The following PTPN23 variants were observed in gnomAD, a reference collection of about 807,000 sequenced individuals.
PTPN23 encodes tyrosine-protein phosphatase non-receptor type 23.
Under a neutral mutation model 156.3 loss-of-function variants are expected in PTPN23, and 72 were observed. The observed-to-expected ratio is 0.46, with a 90% confidence interval of 0.38 to 0.56. The LOEUF is 0.56. Ranked by LOEUF, PTPN23 falls within the 20% of genes least tolerant of loss-of-function variation. PTPN23 has a pLI of 0.00. For missense variants in PTPN23, 1,974 were observed against 2,171.5 expected (o/e 0.91, Z 1.81); for synonymous variants, 957 against 899.6 (o/e 1.06, Z -1.14).
chr3:47,401,356 A>G (rs776624417), intron 2 of PTPN23, among the ~76,000 whole-genome samples: 1 of 151,988 alleles, frequency 6.6e-6, no homozygotes, highest in African/African-American at 2.4e-5. Flanking sequence ...ACAGGTATGC[A>G]TCACCGCACC....
intron 1 of PTPN23, among the ~76,000 whole-genome samples, chr3:47,385,249 C>T (rs141613308): frequency 3.3e-5 from 5 of 152,300 alleles, no homozygotes; most frequent in Non-Finnish European, 5.9e-5. Flanking sequence ...CAAACACTTG[C>T]CCTTAACCAG....
chr3:47,401,152 C>G (rs775911886), intron 2 of PTPN23, among the ~76,000 whole-genome samples: 1 of 150,744 alleles, frequency 6.6e-6, no homozygotes, highest in Non-Finnish European at 1.5e-5. Flanking sequence ...CCGCCTGCCT[C>G]GGCCTCCCAA....
intron 2 of PTPN23, among the ~76,000 whole-genome samples, chr3:47,402,500 G>A (rs913800295): frequency 1.3e-5 from 2 of 151,982 alleles, no homozygotes; most frequent in African/African-American, 2.4e-5. Flanking sequence ...GGCTGGTCTC[G>A]AATTCCTGGG....
intron 2 of PTPN23, among the ~76,000 whole-genome samples, chr3:47,403,781 G>A (rs923608495): frequency 2.6e-5 from 4 of 152,108 alleles, no homozygotes; most frequent in Non-Finnish European, 5.9e-5. Flanking sequence ...CTCCCACCTT[G>A]GCCTCCCAAA....
chr3:47,392,002 C>T (rs1057272367), intron 1 of PTPN23, among the ~76,000 whole-genome samples: 2 of 152,210 alleles, frequency 1.3e-5, no homozygotes, highest in African/African-American at 4.8e-5. Context: ...CCTCTCACCT[C>T]AACCTCCCAA....
In PTPN23 at chr3:47,413,069, C is replaced by A. The variant is rs147706627; in HGVS notation, c.4795C>A (p.Arg1599=). 1 of 1,612,946 alleles carries A rather than the reference C, an allele frequency of 6.2e-7. No individual in the cohort carries two copies. ...GGACAGCTCCCTGCGGGGCAAACAG[C>A]GGATGAGCAAGCATAACTTTCTGCA... is the stretch of plus-strand genomic sequence containing the variant. ...SLDSSLRGKQ[R]MSKHNFLQAH... is the part of the protein sequence containing the mutation. The change falls in exon 25 of 25, where the codon CGG becomes AGG. Residue 1599 remains arginine (R), a synonymous_variant. Transcript: ENST00000265562.
chr3:47,390,571 G>A (rs1391822804), intron 1 of PTPN23, among the ~76,000 whole-genome samples: 1 of 152,114 alleles, frequency 6.6e-6, no homozygotes, highest in Non-Finnish European at 1.5e-5. Flanking sequence ...CCGCTAGACT[G>A]TTCCGAGTTC....
In PTPN23 at chr3:47,407,512, T is replaced by C. The variant is rs1705156893; in HGVS notation, c.931T>C (p.Ser311Pro). The C allele has an allele frequency of 6.2e-7, 1 of 1,613,870 alleles. No homozygotes were observed. The highest frequency in any genetic ancestry group is 1.7e-5 in the Admixed American group (1 of 60,000). ...CCTGCTCCTGATCCCCAGGTACAAT[T>C]CTGCCAAGAAGGACAACGACTTCAT... ...TMDVIGGKYN[S>P]AKKDNDFIYH... The change falls in exon 12 of 25, where the codon TCT becomes CCT. Residue 311 changes from serine to proline, a missense_variant. This residue lies in a region of PTPN23 where 726 missense variants were observed against 929.5 expected (regional missense o/e 0.78). Coordinates refer to ENST00000265562, the MANE Select transcript of PTPN23 (RefSeq NM_015466.4). The surrounding 1 kb of genome is among the most constrained non-coding windows in gnomAD (Gnocchi z 4.0).
intron 1 of PTPN23, among the ~76,000 whole-genome samples, 174 bp from the exon 2 acceptor site, chr3:47,395,966 CGTG>C (rs3041340): frequency 0.38 from 57,511 of 151,914 alleles, 11,250 homozygotes; most frequent in East Asian, 0.52. Flanking sequence ...TCACGGCTCT[CGTG>C]GTCAGCATTT....
Position 47,409,312 on chromosome 3 carries a change from A to G in PTPN23, c.1792A>G (p.Met598Val). The change falls in exon 17 of 25, where the codon ATG (methionine) becomes GTG (valine). Residue 598 changes from methionine (M) to valine (V), a missense_variant. This residue lies in a region of PTPN23 where 726 missense variants were observed against 929.5 expected (regional missense o/e 0.78). Transcript: ENST00000265562. ...GCTGGTCACCACAGACCACTCAGAG[A>G]TGAAGGTGGGCTGGGTGAGCAGGGT... Reference protein sequence around the residue: ...ASLVTTDHSEMKKLFEEQLKK... With the variant: ...ASLVTTDHSEVKKLFEEQLKK... 6.2e-7 allele frequency: 1 copy of G among 1,614,008 alleles called. No individual in the cohort carries two copies.
intron 1 of PTPN23, among the ~76,000 whole-genome samples, chr3:47,395,338 G>T (rs780404515): frequency 3.9e-5 from 6 of 152,234 alleles, no homozygotes; most frequent in Non-Finnish European, 8.8e-5. Context: ...TGTTTGTGGC[G>T]TGAGTGGATC....
At chr3:47,393,960 C>T (rs2107700749) in intron 1 of PTPN23, among the ~76,000 whole-genome samples, 1 of 150,256 alleles carries the variant, frequency 6.7e-6, no homozygotes, top group South Asian at 2.1e-4. Context: ...GCCCAGGCTG[C>T]TCTGGAACTC....
Position 47,410,020 on chromosome 3 carries a change from C to A in PTPN23, c.2222C>A (p.Pro741His). 2 of 1,610,222 alleles carry A rather than the reference C, an allele frequency of 1.2e-6. No individual in the cohort carries two copies. The highest frequency in any genetic ancestry group is 1.7e-6 in the Non-Finnish European group (2 of 1,178,494). The change falls in exon 20 of 25, where the codon CCC becomes CAC. Residue 741 changes from proline to histidine, a missense_variant. By Grantham distance (77) the Pro-to-His change is moderately conservative (BLOSUM62 -2). Around this residue, in one of 4 missense-constraint regions of PTPN23, gnomAD observed 731 missense variants for 669.1 expected, o/e 1.09. Coordinates refer to ENST00000265562, the MANE Select transcript of PTPN23 (RefSeq NM_015466.4). ...AGTGAGGCAGTGGAAGCAGGAGACC[C>A]CCCTGAGGAGCTGCGCAGCCTCCCC... ...EESEAVEAGD[P>H]PEELRSLPPD...
At chr3:47,398,493 G>GT (rs771776330) in intron 2 of PTPN23, among the ~76,000 whole-genome samples, 2 of 151,786 alleles carry the variant, frequency 1.3e-5, no homozygotes, top group Non-Finnish European at 2.9e-5. Context: ...GATTTGCTGG[G>GT]TTTTTTTGTG....
rs768719255 is a variant in PTPN23, at chr3:47,410,348, G to C, written c.2550G>C (p.Gly850=). Reference sequence around the variant, plus strand: ...GCGTGGTGAGCAGTCCCTATGTGGGGGTAGGGCCGGCCCCACCAGTTGCAG... The same window carrying C: ...GCGTGGTGAGCAGTCCCTATGTGGGCGTAGGGCCGGCCCCACCAGTTGCAG... The part of the protein sequence containing the change: ...QHGVVSSPYV[G]VGPAPPVAGL... The change falls in exon 20 of 25, where the codon GGG becomes GGC. Residue 850 remains glycine (G), a synonymous_variant. Transcript: ENST00000265562. 2 of 1,607,974 alleles carry C rather than the reference G, an allele frequency of 1.2e-6. No homozygotes were observed. Among genetic ancestry groups the C allele is most frequent in the Admixed American group, 1.7e-5 (1 of 59,372 alleles).
In PTPN23 at chr3:47,406,533, C is replaced by T. The variant is rs369118542; in HGVS notation, c.680C>T (p.Ala227Val). 2.5e-6 allele frequency: 4 copies of T among 1,614,006 alleles called. No homozygotes were observed. The highest frequency in any genetic ancestry group is 3.4e-6 in the Non-Finnish European group (4 of 1,180,000). Reference protein sequence around the residue: ...ACRALENPDTASLLGRIQKDW... With the variant: ...ACRALENPDTVSLLGRIQKDW... ...CGGGCCTTGGAGAACCCCGACACTG[C>T]CTCACTGCTGGGCCGGATCCAGAAG... is the stretch of plus-strand genomic sequence containing the variant. Residue 227 changes from alanine (A) to valine (V), a missense_variant, in exon 8 of 25, where the codon GCC (alanine) becomes GTC (valine). Ala to Val is a moderately conservative substitution (Grantham distance 64, BLOSUM62 0). Around this residue, in one of 4 missense-constraint regions of PTPN23, gnomAD observed 726 missense variants for 929.5 expected, o/e 0.78. Coordinates refer to ENST00000265562, the MANE Select transcript of PTPN23 (RefSeq NM_015466.4). The surrounding 1 kb of genome is among the most constrained non-coding windows in gnomAD (Gnocchi z 5.8).
chr3:47,413,065 A>G lies in PTPN23; in HGVS notation c.4791A>G (p.Lys1597=), dbSNP rs1705368193. 3 of 1,612,822 alleles carry G rather than the reference A, an allele frequency of 1.9e-6. No individual in the cohort carries two copies. The highest frequency in any genetic ancestry group is 2.5e-6 in the Non-Finnish European group (3 of 1,180,034). The change falls in exon 25 of 25, where the codon AAA becomes AAG. Residue 1597 remains lysine, a synonymous_variant. Transcript: ENST00000265562. ...CCCTGGACAGCTCCCTGCGGGGCAA[A>G]CAGCGGATGAGCAAGCATAACTTTC... is the stretch of plus-strand genomic sequence containing the variant. The part of the protein sequence containing the change: ...AFSLDSSLRG[K]QRMSKHNFLQ...
At position 47,405,442 on chromosome 3, in the gene PTPN23, C is replaced by G. The variant is rs373687313; in HGVS notation, c.365-307C>G. The G allele has an allele frequency of 3.7e-6, 2 of 540,572 alleles. No homozygotes were observed. Among genetic ancestry groups the G allele is most frequent in the African/African-American group, 3.8e-5 (2 of 52,624 alleles). The allele number at this position is 540,572 out of a possible 1,614,324, so 33.5% of individuals were successfully genotyped here. ...GCCTCAGCTTACCCTGCTAGTCAGC[C>G]TTAGCCTGGCTCAAGGGAGAAGCTT... On this transcript the variant is annotated intron_variant, in intron 4 of 24. Transcript: ENST00000265562. This position sits in a 1 kb window ranked among gnomAD's most constrained non-coding sequence, Gnocchi z 4.7.
rs776817265 is a variant in PTPN23 at position 47,407,886 on chromosome 3, G to A, written c.1119-4G>A. ...CTTCAGCAAATGCTCTGTCGCTTCTGCAGTGAGGAGAAGGCCAAGCTGCTC... is the reference window on the plus strand; with the variant it reads ...CTTCAGCAAATGCTCTGTCGCTTCTACAGTGAGGAGAAGGCCAAGCTGCTC... On this transcript the variant is annotated splice_region_variant and splice_polypyrimidine_tract_variant and intron_variant, in intron 13 of 24. Coordinates refer to ENST00000265562, the MANE Select transcript of PTPN23 (RefSeq NM_015466.4). This position sits in a 1 kb window ranked among gnomAD's most constrained non-coding sequence, Gnocchi z 4.0. 5.6e-6 allele frequency: 9 copies of A among 1,614,076 alleles called. No individual in the cohort carries two copies. The highest frequency in any genetic ancestry group is 5.0e-5 in the Admixed American group (3 of 60,006).
Sources: allele counts gnomAD v4.1 joint callset (sites outside exome capture counted in the v4.1 genomes callset), GRCh38; gene constraint gnomAD v4.1.1; regional missense constraint gnomAD v4.1.1; non-coding constraint Gnocchi (gnomAD v3.1); transcripts MANE v1.5; gene names NCBI Gene and HGNC (gene_info 2026-07-23, HGNC 2026-07-21).